Variants in PRKD3 observed in about 807,000 individuals in gnomAD.
PRKD3 encodes the protein protein kinase D3.
Under a neutral mutation model 99.2 loss-of-function variants are expected in PRKD3, and 47 were observed. The observed-to-expected ratio is 0.47, with a 90% CI of 0.38 to 0.60. The LOEUF (loss-of-function observed/expected upper bound fraction) is 0.60, where lower values mean the gene tolerates loss of function less well. Ranked by LOEUF, PRKD3 falls within the 20% of genes least tolerant of loss-of-function variation. The pLI is 0.00. For missense variants in PRKD3, 1,019 were observed against 1,088.4 expected (o/e 0.94, Z 0.90); for synonymous variants, 392 against 355.4 (o/e 1.10, Z -1.16).
intron 6 of PRKD3, among the ~76,000 whole-genome samples, chr2:37,284,029 T>C (rs1296587038): frequency 1.3e-5 from 2 of 152,160 alleles, no homozygotes; most frequent in Non-Finnish European, 2.9e-5. Flanking sequence ...TTGCTTATGC[T>C]CTCTTATACT....
intron 15 of PRKD3, 108 bp from the exon 16 acceptor site, chr2:37,259,789 T>TTAGC: frequency 1.3e-6 from 1 of 751,228 alleles, no homozygotes; most frequent in Non-Finnish European, 2.2e-6. Context: ...TCATCAAGAC[T>TTAGC]TAGCTAAAAG....
chr2:37,259,658 C>T lies in PRKD3; in HGVS notation c.2070G>A (p.Leu690=). The change falls in exon 16 of 19, where the codon CTG becomes CTA. Residue 690 remains leucine, a synonymous_variant. Transcript: ENST00000234179. ...CACAGTGCACAATATTCTTAAAATGCAGATTCCTCAAAGCAACAAGTATCT... is the reference window on the plus strand; with the variant it reads ...CACAGTGCACAATATTCTTAAAATGTAGATTCCTCAAAGCAACAAGTATCT... ...VTQILVALRN[L]HFKNIVHCDL... 1 of 1,612,148 alleles carries T rather than the reference C, an allele frequency of 6.2e-7. No homozygotes were observed. The highest frequency in any genetic ancestry group is 1.1e-5 in the South Asian group (1 of 90,886).
intron 3 of PRKD3, 35 bp downstream of exon 3, chr2:37,293,098 G>A (rs535527889): frequency 4.6e-5 from 70 of 1,516,872 alleles, no homozygotes; most frequent in Non-Finnish European, 5.6e-5. Flanking sequence ...TCTTTGAGGG[G>A]AAAAGGCAAT....
chr2:37,261,303 A>G (rs772198750), intron 14 of PRKD3, among the ~76,000 whole-genome samples: 1 of 151,926 alleles, frequency 6.6e-6, no homozygotes, highest in African/African-American at 2.4e-5. Flanking sequence ...CGTAGCAAAC[A>G]CGGTGAAATC....
intron 12 of PRKD3, among the ~76,000 whole-genome samples, chr2:37,271,127 A>G (rs1488212214): frequency 2.0e-5 from 3 of 152,228 alleles, no homozygotes; most frequent in Non-Finnish European, 4.4e-5. Context: ...TACATGTTAG[A>G]GAACTATAAC....
intron 9 of PRKD3, among the ~76,000 whole-genome samples, chr2:37,276,817 TATAC>T (rs1378635878): frequency 1.4e-5 from 2 of 142,254 alleles, no homozygotes; most frequent in South Asian, 2.1e-4. Context: ...TACACATATA[TATAC>T]ATATATATTC....
chr2:37,251,962 A>T lies in PRKD3; in HGVS notation c.*1215T>A, dbSNP rs1667538300. 1 of 152,210 alleles carries T rather than the reference A, an allele frequency of 6.6e-6. No individual in the cohort carries two copies. Among genetic ancestry groups the T allele is most frequent in the African/African-American group, 2.4e-5 (1 of 41,448 alleles). 9.4% of individuals were successfully genotyped at this position (152,210 alleles called of 1,614,324 possible). Reference sequence around the variant, plus strand: ...TTACAAGTAGATGGTCCCACATCTTAAACTTTGGGGAAGATATTTAAAAAT... The same window carrying T: ...TTACAAGTAGATGGTCCCACATCTTTAACTTTGGGGAAGATATTTAAAAAT... On this transcript the variant is annotated 3_prime_UTR_variant, in exon 19 of 19. Transcript: ENST00000234179.
At chr2:37,267,603 G>T in intron 13 of PRKD3, 67 bp from the exon 14 acceptor site, 3 of 1,162,148 alleles carry the variant, frequency 2.6e-6, no homozygotes, top group African/African-American at 1.5e-5. Context: ...GTTGTCCACA[G>T]ACTGAAATTT....
chr2:37,282,708 GAAT>G (rs1343312883), intron 6 of PRKD3, 89 bp from the exon 7 acceptor site: 1 of 891,296 alleles, frequency 1.1e-6, no homozygotes, highest in Non-Finnish European at 1.8e-6. Flanking sequence ...CTCACAAACA[GAAT>G]ATTATTAGTA....
At chr2:37,317,944 A>G (rs973671323) in intron 1 of PRKD3, 1 of 152,050 alleles carries the variant, frequency 6.6e-6, no homozygotes, top group Non-Finnish European at 1.5e-5. Context: ...AATATGTATC[A>G]TAATTTCTAG....
chr2:37,323,675 T>C (rs1422381186), intron 1 of PRKD3, among the ~76,000 whole-genome samples: 1 of 151,160 alleles, frequency 6.6e-6, no homozygotes. Flanking sequence ...AGTAGAAGGG[T>C]AAAAAAAAAG....
chr2:37,253,086 C>G lies in PRKD3; in HGVS notation c.*91G>C, dbSNP rs553375427. On this transcript the variant is annotated 3_prime_UTR_variant, in exon 19 of 19. Coordinates refer to ENST00000234179, the MANE Select transcript of PRKD3 (RefSeq NM_005813.6). ...ATCATATTTCTTCATATCTTTGCAG[C>G]ACTGCAGATGACAATCTACAAAGAA... 7.8e-7 allele frequency: 1 copy of G among 1,286,032 alleles called. No homozygotes were observed. The highest frequency in any genetic ancestry group is 1.5e-5 in the African/African-American group (1 of 67,272). 79.7% of individuals were successfully genotyped at this position (1,286,032 alleles called of 1,614,324 possible). A position where few individuals can be genotyped will look rare whatever the true frequency, so the allele number is the denominator to read the frequency against.
At chr2:37,276,636 T>A (rs1261610600) in intron 9 of PRKD3, among the ~76,000 whole-genome samples, 2 of 152,050 alleles carry the variant, frequency 1.3e-5, no homozygotes, top group Non-Finnish European at 2.9e-5. Flanking sequence ...TTGCCACATA[T>A]CATTTTTTAA....
At chr2:37,283,275 CTA>C (rs1669938203) in intron 6 of PRKD3, among the ~76,000 whole-genome samples, 1 of 152,170 alleles carries the variant, frequency 6.6e-6, no homozygotes, top group Non-Finnish European at 1.5e-5. Flanking sequence ...CCCAGACCTA[CTA>C]TATCAGCAAC....
chr2:37,323,365 G>C (rs1039884006), intron 1 of PRKD3, among the ~76,000 whole-genome samples: 3 of 151,788 alleles, frequency 2.0e-5, no homozygotes, highest in Non-Finnish European at 2.9e-5. Context: ...AACCTGGCTC[G>C]TCAAGGAGTA....
chr2:37,283,353 T>A (rs1223223606), intron 6 of PRKD3, among the ~76,000 whole-genome samples: 3 of 152,042 alleles, frequency 2.0e-5, no homozygotes, highest in Admixed American at 6.6e-5. Context: ...CCCACTGGTC[T>A]ATGTCTAATA....
At chr2:37,309,380 G>A (rs552292178) in intron 2 of PRKD3, among the ~76,000 whole-genome samples, 3 of 151,842 alleles carry the variant, frequency 2.0e-5, no homozygotes, top group Non-Finnish European at 1.5e-5. Flanking sequence ...CTAATTCTTG[G>A]GCATGTGTAT....
intron 17 of PRKD3, among the ~76,000 whole-genome samples, chr2:37,255,727 TG>T (rs543839936): frequency 1.3e-3 from 205 of 152,308 alleles, no homozygotes; most frequent in African/African-American, 4.7e-3. Flanking sequence ...AAAATGGGGC[TG>T]GGTGCAGTGG....
At chr2:37,257,625 C>T (rs1175935206) in intron 16 of PRKD3, among the ~76,000 whole-genome samples, 1 of 136,902 alleles carries the variant, frequency 7.3e-6, no homozygotes, top group East Asian at 2.3e-4. Flanking sequence ...GAGATTACGC[C>T]GCTGCAATCC....
Sources: allele counts gnomAD v4.1 joint callset (sites outside exome capture counted in the v4.1 genomes callset), GRCh38; gene constraint gnomAD v4.1.1; transcripts MANE v1.5; gene names NCBI Gene and HGNC (gene_info 2026-07-23, HGNC 2026-07-21).